Variants in ARRB2 observed in about 807,000 individuals in gnomAD.
ARRB2 encodes the protein beta-arrestin-2.
In ARRB2, 21 loss-of-function variants were observed where a neutral mutation model predicts 53.4. The ratio of observed to expected loss-of-function variants is 0.39; its 90% CI spans 0.28 to 0.57. The LOEUF (loss-of-function observed/expected upper bound fraction) is 0.57. Ranked by LOEUF, ARRB2 falls within the 20% of genes least tolerant of loss-of-function variation. The probability of loss-of-function intolerance (pLI) is 0.55; values close to 1 mark genes in which losing one functional copy is unlikely to be tolerated. For missense variants in ARRB2, 369 were observed against 527.5 expected, an observed-to-expected ratio of 0.70 and a Z score of 2.94; for synonymous variants, 180 against 212.9, an observed-to-expected ratio of 0.85 and a Z score of 1.34.
chr17:4,715,920 A>T, intron 2 of ARRB2, 53 bp from the exon 3 acceptor site: 1 of 1,608,472 alleles, frequency 6.2e-7, no homozygotes, highest in Non-Finnish European at 8.5e-7. Flanking sequence ...GAGGGCTCCG[A>T]TGCCCTGTCA....
Position 4,719,211 on chromosome 17 carries a change from T to C in ARRB2, c.780-72T>C. ...GGGACTAGTGAGGGGGAGATGCTGC[T>C]TGGGGGTCATAGGCCGCCCCTTGCC... On this transcript the variant is annotated intron_variant, in intron 10 of 14. Transcript: ENST00000269260. The C allele has an allele frequency of 2.6e-6, 4 of 1,548,726 alleles. No homozygotes were observed. In the South Asian group the frequency reaches 4.9e-5, roughly 19 times the overall value.
chr17:4,720,607 C>G lies in ARRB2; in HGVS notation c.1103C>G (p.Pro368Arg). 6.3e-7 allele frequency: 1 copy of G among 1,594,038 alleles called. No homozygotes were observed. Among genetic ancestry groups the G allele is most frequent in the Non-Finnish European group, 8.5e-7 (1 of 1,172,636 alleles). The change falls in exon 14 of 15, where the codon CCT becomes CGT. Residue 368 changes from proline (P) to arginine (R), a missense_variant. Coordinates refer to ENST00000269260, the MANE Select transcript of ARRB2 (RefSeq NM_004313.4). Reference sequence around the variant, plus strand: ...CCAGCCGCTCCGGAGACAGATGTCCCTGTGGACACCAACCTCATTGAATTT... The same window carrying G: ...CCAGCCGCTCCGGAGACAGATGTCCGTGTGGACACCAACCTCATTGAATTT... ...PQSAAPETDV[P>R]VDTNLIEFDT...
intron 1 of ARRB2, among the ~76,000 whole-genome samples, chr17:4,713,921 A>C (rs1192300652): frequency 2.6e-5 from 4 of 152,124 alleles, no homozygotes; most frequent in Non-Finnish European, 5.9e-5. Context: ...CTGAGATCGC[A>C]CCACTGCACT....
Position 4,714,322 on chromosome 17 carries a change from G to A in ARRB2, c.24-691G>A, listed in dbSNP as rs543389871. Among the ~76,000 whole-genome samples, 26 of 152,178 alleles carry A rather than the reference G, an allele frequency of 1.7e-4. No homozygotes were observed. The East Asian group carries it at 4.8e-3, about 28-fold the overall frequency. On this transcript the variant is annotated intron_variant, in intron 1 of 14. Transcript: ENST00000269260. Reference sequence around the variant, plus strand: ...GGGACAGTTGGAGGTGAGTAGAGTCGAACTTGGGTAGGGCCTGTGGTAGAA... The same window carrying A: ...GGGACAGTTGGAGGTGAGTAGAGTCAAACTTGGGTAGGGCCTGTGGTAGAA...
chr17:4,711,751 T>C (rs1285493221), intron 1 of ARRB2, among the ~76,000 whole-genome samples: 1 of 152,148 alleles, frequency 6.6e-6, no homozygotes, highest in Non-Finnish European at 1.5e-5. Flanking sequence ...TGCTGACTTG[T>C]GGGAGGCCCC....
In ARRB2 at chr17:4,719,417, C is replaced by G. The variant is rs1290613679; in HGVS notation, c.914C>G (p.Thr305Ser). 9 of 1,613,650 alleles carry G rather than the reference C, an allele frequency of 5.6e-6. No individual in the cohort carries two copies. The highest frequency in any genetic ancestry group is 7.6e-6 in the Non-Finnish European group (9 of 1,179,774). ...GAGGACACCAACCTGGCTTCCAGCA[C>G]CATGTGAGGGTGGGGCTGGGGCGGG... ...KHEDTNLASSTIVKEGANKEV... is the reference protein window; with the variant it reads ...KHEDTNLASSSIVKEGANKEV... Residue 305 changes from threonine (T) to serine (S), a missense_variant, in exon 11 of 15, where the codon ACC (threonine) becomes AGC (serine). Physicochemically the swap from Thr to Ser is moderately conservative, Grantham distance 58. Transcript: ENST00000269260.
intron 5 of ARRB2, 160 bp downstream of exon 5, chr17:4,716,768 A>C (rs1915107832): frequency 7.5e-7 from 1 of 1,340,576 alleles, no homozygotes; most frequent in Non-Finnish European, 9.9e-7. Flanking sequence ...GAAGCCCTTG[A>C]TTATCTGCCT....
rs1414804767 is a variant in ARRB2, at chr17:4,715,704, CACACACACACACACACACACAA to C, written c.55-256_55-235del. The stretch of plus-strand genomic sequence containing the variant: ...GACTGGTTGGCTGAGGACACACACA[CACACACACACACACACACACAA>C]ACACACACACACCGGGCTGGTGGGC... On this transcript the variant is annotated intron_variant, in intron 2 of 14. Transcript: ENST00000269260. 1,179 of 444,974 alleles carry C rather than the reference CACACACACACACACACACACAA, an allele frequency of 2.6e-3. 1 individual carries two copies. Among genetic ancestry groups the C allele is most frequent in the Middle Eastern group, 7.7e-3 (12 of 1,556 alleles). The allele number at this position is 444,974 out of a possible 1,614,324, so 27.6% of individuals were successfully genotyped here.
chr17:4,717,645 G>C lies in ARRB2; in HGVS notation c.418-40G>C. The C allele has an allele frequency of 6.2e-7, 1 of 1,613,196 alleles. No individual in the cohort carries two copies. The highest frequency in any genetic ancestry group is 8.5e-7 in the Non-Finnish European group (1 of 1,179,454). The stretch of plus-strand genomic sequence containing the variant: ...GAAGAAAGGGCAGTGATGGTGGCGG[G>C]AGCCTCCGGTAAGATGTGGCCTTTT... On this transcript the variant is annotated intron_variant, in intron 6 of 14. Transcript: ENST00000269260. The surrounding 1 kb of genome is among the most constrained non-coding windows in gnomAD (Gnocchi z 6.0).
rs550702747 is a variant in ARRB2, at chr17:4,713,946, A to G, written c.24-1067A>G. Reference sequence around the variant, plus strand: ...ACCACTGCACTCCAGCCTGGGCAACAGAGTGAGACTCTGTCTCAAAAAACA... The same window carrying G: ...ACCACTGCACTCCAGCCTGGGCAACGGAGTGAGACTCTGTCTCAAAAAACA... On this transcript the variant is annotated intron_variant, in intron 1 of 14. Coordinates refer to ENST00000269260, the MANE Select transcript of ARRB2 (RefSeq NM_004313.4). Among the ~76,000 whole-genome samples, 7 of 152,362 alleles carry G rather than the reference A, an allele frequency of 4.6e-5. No homozygotes were observed. The East Asian group carries it at 1.3e-3, about 29-fold the overall frequency.
chr17:4,719,545 G>A, intron 11 of ARRB2, 125 bp downstream of exon 11: 1 of 1,388,214 alleles, frequency 7.2e-7, no homozygotes, highest in South Asian at 1.4e-5. Flanking sequence ...TACATTCTAG[G>A]GGAGGGAGGA....
chr17:4,719,943 G>T (rs897020866), intron 11 of ARRB2, among the ~76,000 whole-genome samples: 4 of 152,218 alleles, frequency 2.6e-5, no homozygotes, highest in African/African-American at 9.6e-5. Context: ...AGTACCAGGA[G>T]AGGAGGAGGA....
chr17:4,720,349 T>C, intron 12 of ARRB2, 44 bp from the exon 13 acceptor site: 1 of 1,613,630 alleles, frequency 6.2e-7, no homozygotes, highest in South Asian at 1.1e-5. Context: ...CTCTCTCTAG[T>C]CCCATGTCGT....
At chr17:4,715,704 C>T (rs1004493361) in intron 2 of ARRB2, 4,943 of 450,404 alleles carry the variant, frequency 0.011, 192 homozygotes, top group African/African-American at 0.11. Flanking sequence ...GACACACACA[C>T]ACACACACAC....
intron 8 of ARRB2, 23 bp downstream of exon 8, chr17:4,718,046 G>A (rs890306747): frequency 1.1e-5 from 17 of 1,611,796 alleles, no homozygotes; most frequent in African/African-American, 4.0e-5. Context: ...AGGGTGACAC[G>A]GATGCCACGG....
At chr17:4,710,969 G>T (rs772114076) in intron 1 of ARRB2, among the ~76,000 whole-genome samples, 1 of 152,098 alleles carries the variant, frequency 6.6e-6, no homozygotes, top group South Asian at 2.1e-4. Flanking sequence ...CAGAAAAACC[G>T]GTGTCGGGGT....
In ARRB2 at chr17:4,721,217, C is replaced by T. The variant is rs1471830723; in HGVS notation, c.*178C>T. The T allele has an allele frequency of 5.6e-5, 33 of 584,732 alleles. No homozygotes were observed. The highest frequency in any genetic ancestry group is 9.2e-5 in the Non-Finnish European group (32 of 346,230). 36.2% of individuals were successfully genotyped at this position (584,732 alleles called of 1,614,324 possible). A position where few individuals can be genotyped will look rare whatever the true frequency, so the allele number is the denominator to read the frequency against. On this transcript the variant is annotated 3_prime_UTR_variant, in exon 15 of 15. Coordinates refer to ENST00000269260, the MANE Select transcript of ARRB2 (RefSeq NM_004313.4). This position sits in a 1 kb window ranked among gnomAD's most constrained non-coding sequence, Gnocchi z 4.2. ...CCCCCCAAGATACACACTGGACCCT[C>T]TCTTGCTGAATGTGGGCATTAATTT...
In ARRB2 at chr17:4,717,825, C is replaced by CG. The variant is rs1168039320; in HGVS notation, c.486-58dup. On this transcript the variant is annotated intron_variant, in intron 7 of 14. Transcript: ENST00000269260. The surrounding 1 kb of genome is among the most constrained non-coding windows in gnomAD (Gnocchi z 6.0). ...CGCTTCCAGGAGCCCAGGCCCCGTG[C>CG]GGGGGAGGAGTAGGGTTGGGGTGTG... is the stretch of plus-strand genomic sequence containing the variant. 2 of 1,601,672 alleles carry CG rather than the reference C, an allele frequency of 1.2e-6. No individual in the cohort carries two copies. Among genetic ancestry groups the CG allele is most frequent in the African/African-American group, 2.7e-5 (2 of 74,870 alleles).
chr17:4,717,620 G>C lies in ARRB2; in HGVS notation c.418-65G>C. ...CTGCCCGAGAGGAGGGAAGGGGGAG[G>C]AAGAAAGGGCAGTGATGGTGGCGGG... On this transcript the variant is annotated intron_variant, in intron 6 of 14. Transcript: ENST00000269260. The surrounding 1 kb of genome is among the most constrained non-coding windows in gnomAD (Gnocchi z 6.0). The C allele has an allele frequency of 1.2e-6, 2 of 1,601,376 alleles. No homozygotes were observed. The highest frequency in any genetic ancestry group is 1.7e-6 in the Non-Finnish European group (2 of 1,169,460).
Sources: allele counts gnomAD v4.1 joint callset (sites outside exome capture counted in the v4.1 genomes callset), GRCh38; gene constraint gnomAD v4.1.1; non-coding constraint Gnocchi (gnomAD v3.1); transcripts MANE v1.5; gene names NCBI Gene and HGNC (gene_info 2026-07-23, HGNC 2026-07-21).